Variants in ODF2L observed in about 807,000 individuals in gnomAD.
ODF2L encodes protein BCAP.
Under a neutral mutation model 86.3 loss-of-function variants are expected in ODF2L, and 76 were observed. The observed-to-expected ratio is 0.88, with a 90% CI of 0.73 to 1.07. ODF2L has a LOEUF of 1.07. Among genes scored for constraint, ODF2L ranks in the 50% least tolerant of loss-of-function variants. The probability of loss-of-function intolerance (pLI) is 0.00; values close to 1 mark genes in which losing one functional copy is unlikely to be tolerated. For missense variants in ODF2L, 748 were observed against 717.4 expected (o/e 1.04, Z -0.49); for synonymous variants, 241 against 231.3 (o/e 1.04, Z -0.38).
downstream of ODF2L, chr1:86,348,843 T>G: frequency 6.4e-7 from 1 of 1,561,340 alleles, no homozygotes; most frequent in South Asian, 1.3e-5. Context: ...GACTATTTTG[T>G]ACTTCTTTCA....
At chr1:86,373,739 CCTTA>C (rs35725727) in intron 8 of ODF2L, among the ~76,000 whole-genome samples, 2,609 of 152,080 alleles carry the variant, frequency 0.017, 53 homozygotes, top group African/African-American at 0.054. Flanking sequence ...TGGTGATGTA[CCTTA>C]CTTGTCTTTG....
chr1:86,369,958 T>G lies in ODF2L; in HGVS notation c.1056+1060A>C, dbSNP rs1659683308. 2.0e-5 allele frequency among the ~76,000 whole-genome samples: 3 copies of G among 152,300 alleles called. No individual in the cohort carries two copies. In the South Asian group the frequency reaches 6.2e-4, roughly 32 times the overall value. On this transcript the variant is annotated intron_variant, in intron 10 of 17. Coordinates refer to ENST00000317336, the Ensembl canonical transcript of ODF2L. ...ATCATTTTATTAAAATAATTTCCTT[T>G]GGTGATGATTTTTAAATTGTGTATA...
chr1:86,348,682 T>A, downstream of ODF2L: 1 of 1,252,076 alleles, frequency 8.0e-7, no homozygotes, highest in Non-Finnish European at 1.0e-6. Flanking sequence ...GTATATTTAT[T>A]TTTTTACCCA....
intron 1 of ODF2L, among the ~76,000 whole-genome samples, chr1:86,390,455 C>T (rs1239037179): frequency 6.6e-6 from 1 of 151,956 alleles, no homozygotes; most frequent in Non-Finnish European, 1.5e-5. Flanking sequence ...ACTAGCTCAC[C>T]GAATTCAACA....
At chr1:86,347,357 GCTTTC>G (rs1295903569), downstream of ODF2L, 2 of 152,138 alleles carry the variant, frequency 1.3e-5, no homozygotes, top group African/African-American at 4.8e-5. Context: ...CAAGAGCTTT[GCTTTC>G]CTTTCATGTG....
At chr1:86,391,888 G>T (rs1661357031) in intron 1 of ODF2L, among the ~76,000 whole-genome samples, 1 of 151,934 alleles carries the variant, frequency 6.6e-6, no homozygotes, top group Non-Finnish European at 1.5e-5. Flanking sequence ...ATGGCAAAAG[G>T]AATAGTCAGC....
intron 16 of ODF2L, 68 bp downstream of exon 15, chr1:86,354,462 C>A: frequency 9.9e-7 from 1 of 1,006,316 alleles, no homozygotes; most frequent in Non-Finnish European, 1.5e-6. Context: ...CTACAGGTTG[C>A]AAGATGTTTA....
chr1:86,394,508 A>T (rs1309958584), intron 1 of ODF2L, among the ~76,000 whole-genome samples: 2 of 152,144 alleles, frequency 1.3e-5, no homozygotes, highest in African/African-American at 2.4e-5. Context: ...GTCAGGTTTT[A>T]ATACTCATAA....
intron 7 of ODF2L, chr1:86,381,930 T>C (rs750245356): frequency 1.1e-5 from 2 of 183,812 alleles, no homozygotes; most frequent in Non-Finnish European, 2.2e-5. Flanking sequence ...TTTTGGTATA[T>C]TTAAATTTAT....
intron 1 of ODF2L, among the ~76,000 whole-genome samples, chr1:86,394,874 G>T (rs1225479408): frequency 4.4e-5 from 6 of 136,912 alleles, no homozygotes; most frequent in South Asian, 2.3e-4. Flanking sequence ...AGAGTCTCGC[G>T]CTGTCGCCCA....
intron 13 of ODF2L, chr1:86,357,772 TAAATACTAGTTAGAAA>T: frequency 1.0e-6 from 1 of 979,378 alleles, no homozygotes; most frequent in South Asian, 4.7e-5. Context: ...GTTGTCTTGT[TAAATACTAGTTAGAAA>T]ACATTGTGAC....
intron 11 of ODF2L, among the ~76,000 whole-genome samples, chr1:86,365,912 C>T (rs989954487): frequency 1.3e-5 from 2 of 152,170 alleles, no homozygotes; most frequent in Admixed American, 6.5e-5. Context: ...GGCAGAACAC[C>T]TGGAACTAGG....
chr1:86,387,660 A>G (rs748635578), intron 1 of ODF2L, among the ~76,000 whole-genome samples: 1 of 152,118 alleles, frequency 6.6e-6, no homozygotes, highest in African/African-American at 2.4e-5. Context: ...AATTTTACCA[A>G]TCTAATTGTT....
At chr1:86,389,564 G>GA (rs66716003) in intron 1 of ODF2L, among the ~76,000 whole-genome samples, 41,236 of 121,616 alleles carry the variant, frequency 0.34, 6,301 homozygotes, top group East Asian at 0.44. Context: ...AAATGAAACT[G>GA]AAAAAAAAAA....
chr1:86,358,733 A>C, intron 13 of ODF2L, 54 bp downstream of exon 12: 1 of 724,338 alleles, frequency 1.4e-6, no homozygotes, highest in Admixed American at 3.2e-5. Flanking sequence ...TTTGTGTACT[A>C]TTCATAAAGT....
intron 11 of ODF2L, among the ~76,000 whole-genome samples, chr1:86,363,858 T>C (rs151242402): frequency 6.6e-6 from 1 of 152,090 alleles, no homozygotes; most frequent in African/African-American, 2.4e-5. Flanking sequence ...TAGAGGAGGT[T>C]ACTCGGCCTT....
At chr1:86,358,023 T>C in intron 13 of ODF2L, 1 of 985,052 alleles carries the variant, frequency 1.0e-6, no homozygotes, top group Non-Finnish European at 1.2e-6. Context: ...TTCAGTGAGC[T>C]ATCTTTATGT....
rs376495268 is a variant in ODF2L at position 86,387,080 on chromosome 1, C to A, written c.-53G>T. ...CTTCACAGCGACTTCTCCACATAAG[C>A]TGAAAGCTAGGAAATATTTTAGTTA... On this transcript the variant is annotated 5_prime_UTR_variant, in exon 2 of 18. Coordinates refer to ENST00000317336, the Ensembl canonical transcript of ODF2L. 2.2e-5 allele frequency: 17 copies of A among 789,914 alleles called. No individual in the cohort carries two copies. In the East Asian group the frequency reaches 3.4e-4, roughly 16 times the overall value. 48.9% of individuals were successfully genotyped at this position (789,914 alleles called of 1,614,324 possible).
intron 13 of ODF2L, among the ~76,000 whole-genome samples, chr1:86,356,955 C>A (rs990182445): frequency 2.0e-5 from 3 of 152,142 alleles, no homozygotes; most frequent in Non-Finnish European, 4.4e-5. Context: ...TACTGCCCAG[C>A]TATAGGTTCT....
Sources: gnomAD v4.1 joint callset for allele counts (sites outside exome capture counted in the v4.1 genomes callset) on GRCh38, gnomAD v4.1.1 for gene constraint, MANE v1.5 for transcripts, NCBI Gene and HGNC (gene_info 2026-07-23, HGNC 2026-07-21) for gene names.